SLC41A2: variants seen among roughly 807,000 people sequenced by gnomAD.
The protein encoded by SLC41A2 is solute carrier family 41 member 2, also known as SLC41A1-like 1.
Under a neutral mutation model 58.3 loss-of-function variants are expected in SLC41A2, and 32 were observed. The ratio of observed to expected loss-of-function variants is 0.55; its 90% CI spans 0.41 to 0.74. The LOEUF is 0.74. Among genes scored for constraint, SLC41A2 ranks in the 30% least tolerant of loss-of-function variants. SLC41A2 has a pLI of 0.00. For missense variants in SLC41A2, 514 were observed against 680.6 expected (o/e 0.76, Z 2.72); for synonymous variants, 190 against 235.0 (o/e 0.81, Z 1.75).
At chr12:104,954,692 T>C (rs2048082370) in intron 1 of SLC41A2, among the ~76,000 whole-genome samples, 1 of 152,234 alleles carries the variant, frequency 6.6e-6, no homozygotes, top group Non-Finnish European at 1.5e-5. Context: ...TTCTTCTAAA[T>C]AAAGGCAGTG....
chr12:104,952,545 C>T (rs770000390), intron 1 of SLC41A2, among the ~76,000 whole-genome samples: 4 of 152,056 alleles, frequency 2.6e-5, no homozygotes, highest in Admixed American at 2.6e-4. Flanking sequence ...TAATCAGGCC[C>T]CGATTAGAAC....
In SLC41A2 at chr12:104,802,151, T is replaced by C. The variant is rs998728998; in HGVS notation, c.*3001A>G. Among the ~76,000 whole-genome samples the C allele has an allele frequency of 6.6e-6, 1 of 152,162 alleles. No individual in the cohort carries two copies. The highest frequency in any genetic ancestry group is 2.4e-5 in the African/African-American group (1 of 41,438). On this transcript the variant is annotated 3_prime_UTR_variant, in exon 11 of 11. Transcript: ENST00000258538. ...CACATATTACCATAAGTTTCCATTTTATCAGGTTCTAAGAAACTTTATTTT... is the reference window on the plus strand; with the variant it reads ...CACATATTACCATAAGTTTCCATTTCATCAGGTTCTAAGAAACTTTATTTT...
In SLC41A2 at chr12:104,802,389, G is replaced by A. The variant is rs12302715; in HGVS notation, c.*2763C>T. 0.069 allele frequency among the ~76,000 whole-genome samples: 10,490 copies of A among 152,196 alleles called. 722 individuals are homozygous for A. Among genetic ancestry groups the A allele is most frequent in the African/African-American group, 0.18 (7,469 of 41,502 alleles). On this transcript the variant is annotated 3_prime_UTR_variant, in exon 11 of 11. Coordinates refer to ENST00000258538, the MANE Select transcript of SLC41A2 (RefSeq NM_001352171.3). ...GTCATTTTATCTGTTGCATACTTAC[G>A]TGAAGGCTTTCAAAAGGTCAGTAAT...
chr12:104,861,425 G>T, intron 7 of SLC41A2, 55 bp from the exon 8 acceptor site: 1 of 1,266,786 alleles, frequency 7.9e-7, no homozygotes, highest in Non-Finnish European at 1.1e-6. Flanking sequence ...CATACTTGAA[G>T]TTATTCTGTA....
intron 6 of SLC41A2, among the ~76,000 whole-genome samples, chr12:104,867,218 A>G (rs559198531): frequency 6.6e-6 from 1 of 152,268 alleles, no homozygotes; most frequent in African/African-American, 2.4e-5. Flanking sequence ...TTCTCAATTC[A>G]TATTTAATTC....
intron 10 of SLC41A2, among the ~76,000 whole-genome samples, chr12:104,837,696 C>T (rs2042259704): frequency 6.6e-6 from 1 of 151,862 alleles, no homozygotes; most frequent in Admixed American, 6.6e-5. Flanking sequence ...TGAAAAGGGG[C>T]TCAGGGTATT....
chr12:104,850,835 A>T (rs1592993457), intron 8 of SLC41A2, among the ~76,000 whole-genome samples: 2 of 152,220 alleles, frequency 1.3e-5, no homozygotes, highest in East Asian at 3.8e-4. Flanking sequence ...TATCCCAGGG[A>T]GTTCTGAAAA....
intron 6 of SLC41A2, among the ~76,000 whole-genome samples, chr12:104,879,722 G>A (rs529580899): frequency 3.3e-5 from 5 of 152,252 alleles, no homozygotes; most frequent in Admixed American, 3.3e-4. Context: ...TTTGAAGTCA[G>A]GCAGCATGAC....
chr12:104,897,036 C>T (rs1036517588), intron 3 of SLC41A2, among the ~76,000 whole-genome samples: 5 of 152,062 alleles, frequency 3.3e-5, no homozygotes, highest in African/African-American at 1.2e-4. Context: ...TCTCCAACTT[C>T]TCCTACAGTC....
intron 3 of SLC41A2, among the ~76,000 whole-genome samples, chr12:104,905,999 ACCAAAGTGGGAG>A (rs1447143876): frequency 1.1e-4 from 16 of 152,238 alleles, no homozygotes; most frequent in African/African-American, 3.9e-4. Flanking sequence ...CTCTAATGCC[ACCAAAGTGGGAG>A]CCCAGGCAGG....
rs896405853 is a variant in SLC41A2, at chr12:104,954,655, G to A, written c.-168+3433C>T. ...AAAACAAAGTAAAAACACATTTTGG[G>A]TTATAAACCCGAAATTACCAGCCTC... is the stretch of plus-strand genomic sequence containing the variant. On this transcript the variant is annotated intron_variant, in intron 1 of 10. Transcript: ENST00000258538. Among the ~76,000 whole-genome samples, 5 of 152,258 alleles carry A rather than the reference G, an allele frequency of 3.3e-5. No homozygotes were observed. In the East Asian group the frequency reaches 9.6e-4, roughly 29 times the overall value.
At chr12:104,885,664 C>T (rs1343371018) in intron 6 of SLC41A2, among the ~76,000 whole-genome samples, 2 of 152,108 alleles carry the variant, frequency 1.3e-5, no homozygotes, top group Non-Finnish European at 2.9e-5. Flanking sequence ...TTACCATTTC[C>T]AGAACACAAA....
At position 104,917,143 on chromosome 12, in the gene SLC41A2, C is replaced by A. The variant is rs1227548023; in HGVS notation, c.556-7381G>T. Among the ~76,000 whole-genome samples the A allele has an allele frequency of 3.9e-5, 6 of 152,126 alleles. No homozygotes were observed. The South Asian group carries it at 1.2e-3, about 32-fold the overall frequency. ...AAATTTACAAGAAAAAAACAAACAA[C>A]CCCATCAACAAGTGGGCGAAGGACA... On this transcript the variant is annotated intron_variant, in intron 2 of 10. Coordinates refer to ENST00000258538, the MANE Select transcript of SLC41A2 (RefSeq NM_001352171.3).
At chr12:104,894,403 TA>T (rs1399158659) in intron 4 of SLC41A2, among the ~76,000 whole-genome samples, 1 of 151,056 alleles carries the variant, frequency 6.6e-6, no homozygotes, top group Non-Finnish European at 1.5e-5. Flanking sequence ...AAAAAATAAA[TA>T]AAAGAGAAAA....
chr12:104,839,500 CT>C (rs147244934), intron 10 of SLC41A2, among the ~76,000 whole-genome samples: 1,928 of 145,642 alleles, frequency 0.013, 36 homozygotes, highest in African/African-American at 0.045. Flanking sequence ...TTCAGTTTTT[CT>C]TTTTTTTTTC....
chr12:104,928,269 GA>G lies in SLC41A2; in HGVS notation c.258del (p.His87ThrfsTer59), dbSNP rs1200958331. The part of the protein sequence containing the change: ...FSNRSEQHME[Y>X]HSFSEQSFHA... ...TGAAAAGACTGCTCTGAGAAACTGTGATACTCCATGTGTTGCTCAGATCTAT... is the reference window on the plus strand; with the variant it reads ...TGAAAAGACTGCTCTGAGAAACTGTGTACTCCATGTGTTGCTCAGATCTAT... On this transcript the variant is annotated frameshift_variant, in exon 2 of 11. Coordinates refer to ENST00000258538, the MANE Select transcript of SLC41A2 (RefSeq NM_001352171.3). LOFTEE classifies it high-confidence loss of function. 1 of 1,613,828 alleles carries G rather than the reference GA, an allele frequency of 6.2e-7. No individual in the cohort carries two copies. Among genetic ancestry groups the G allele is most frequent in the Non-Finnish European group, 8.5e-7 (1 of 1,179,792 alleles).
At chr12:104,930,967 C>T (rs2047027469) in intron 1 of SLC41A2, among the ~76,000 whole-genome samples, 1 of 152,284 alleles carries the variant, frequency 6.6e-6, no homozygotes, top group South Asian at 2.1e-4. Context: ...TATAAGCTAT[C>T]CAGAAGTTTA....
At chr12:104,890,366 T>C (rs1468521434) in intron 4 of SLC41A2, among the ~76,000 whole-genome samples, 1 of 152,168 alleles carries the variant, frequency 6.6e-6, no homozygotes, top group Non-Finnish European at 1.5e-5. Context: ...TTAAAATATT[T>C]CAGGATTTTC....
intron 10 of SLC41A2, among the ~76,000 whole-genome samples, chr12:104,814,434 T>C (rs183814116): frequency 1.3e-5 from 2 of 152,286 alleles, no homozygotes; most frequent in East Asian, 3.9e-4. Flanking sequence ...AGATACTTCT[T>C]ACATGTTAGG....
Sources: gnomAD v4.1 joint callset for allele counts (sites outside exome capture counted in the v4.1 genomes callset) on GRCh38, gnomAD v4.1.1 for gene constraint, MANE v1.5 for transcripts, NCBI Gene and HGNC (gene_info 2026-07-23, HGNC 2026-07-21) for gene names.